Variants in PDE5A observed in about 807,000 individuals in gnomAD.
The protein encoded by PDE5A is phosphodiesterase 5A, also known as cGMP-specific 3',5'-cyclic phosphodiesterase.
PDE5A carries 67 observed loss-of-function variants against 110.2 expected under a neutral mutation model. The ratio of observed to expected loss-of-function variants is 0.61; its 90% CI spans 0.50 to 0.75. The LOEUF is 0.75. PDE5A is among the 30% of genes least tolerant of loss of function. The pLI is 0.00. For missense variants in PDE5A, 862 were observed against 1,045.1 expected (o/e 0.82, Z 2.42); for synonymous variants, 328 against 351.2 (o/e 0.93, Z 0.74).
chr4:119,562,070 C>G (rs1309858412), intron 6 of PDE5A, among the ~76,000 whole-genome samples: 3 of 152,256 alleles, frequency 2.0e-5, no homozygotes, highest in Admixed American at 2.0e-4. Flanking sequence ...AAAAAGAAAA[C>G]AAACAACTAC....
rs1725065208 is a variant in PDE5A at position 119,496,203 on chromosome 4, C to CA, written c.*2397dup. On this transcript the variant is annotated 3_prime_UTR_variant, in exon 21 of 21. Transcript: ENST00000354960. Reference sequence around the variant, plus strand: ...TGTTACTCTGTTATAACTAAACAAACAAAAAATCTAGAACAAGAACTTCTT... The same window carrying CA: ...TGTTACTCTGTTATAACTAAACAAACAAAAAAATCTAGAACAAGAACTTCTT... The CA allele has an allele frequency of 6.6e-6, 1 of 151,842 alleles. No homozygotes were observed. The highest frequency in any genetic ancestry group is 1.5e-5 in the Non-Finnish European group (1 of 67,940). 9.4% of individuals were successfully genotyped at this position (151,842 alleles called of 1,614,324 possible).
chr4:119,522,700 C>G (rs1385133641), intron 12 of PDE5A, among the ~76,000 whole-genome samples: 1 of 151,820 alleles, frequency 6.6e-6, no homozygotes, highest in Non-Finnish European at 1.5e-5. Flanking sequence ...TAGTTAGTAC[C>G]TATATTTAAG....
At chr4:119,532,763 G>T (rs965657392) in intron 11 of PDE5A, among the ~76,000 whole-genome samples, 1 of 151,902 alleles carries the variant, frequency 6.6e-6, no homozygotes, top group African/African-American at 2.4e-5. Context: ...CTATATTTAG[G>T]CTACAGCAAA....
chr4:119,568,213 C>A (rs1007107774), intron 3 of PDE5A, among the ~76,000 whole-genome samples: 2 of 151,702 alleles, frequency 1.3e-5, no homozygotes, highest in African/African-American at 2.4e-5. Flanking sequence ...TTATCCTATA[C>A]CTTTTCATTT....
intron 3 of PDE5A, 120 bp from the exon 4 acceptor site, chr4:119,567,264 A>C (rs1259844336): frequency 3.0e-6 from 2 of 671,414 alleles, no homozygotes; most frequent in Non-Finnish European, 5.3e-6. Flanking sequence ...TAGTCTACAA[A>C]ACAAAAGCAA....
chr4:119,514,747 C>T (rs1237850221), intron 14 of PDE5A, among the ~76,000 whole-genome samples: 1 of 152,164 alleles, frequency 6.6e-6, no homozygotes, highest in African/African-American at 2.4e-5. Flanking sequence ...AGAACATTCC[C>T]CTGTGAAAAT....
At chr4:119,595,122 AT>A (rs1287678634) in intron 3 of PDE5A, among the ~76,000 whole-genome samples, 3 of 152,224 alleles carry the variant, frequency 2.0e-5, no homozygotes, top group Non-Finnish European at 4.4e-5. Context: ...GGTAGCACGA[AT>A]AAAAAGAAAA....
rs181018302 is a variant in PDE5A, at chr4:119,513,675, C to T, written c.2001-2541G>A. ...AGCTGGCATTCAAGTATATCCTCTT[C>T]AACCCATCACACTGTCTTAGGATAC... On this transcript the variant is annotated intron_variant, in intron 14 of 20. Transcript: ENST00000354960. Among the ~76,000 whole-genome samples the T allele has an allele frequency of 2.0e-4, 31 of 152,272 alleles. No homozygotes were observed. In the East Asian group the frequency reaches 4.1e-3, roughly 20 times the overall value.
chr4:119,609,825 A>G (rs1050104775), intron 1 of PDE5A, among the ~76,000 whole-genome samples: 5 of 152,220 alleles, frequency 3.3e-5, no homozygotes, highest in African/African-American at 1.2e-4. Context: ...TATGTAAACT[A>G]CCTTGACTTA....
At chr4:119,572,655 TGTTA>T (rs1271531578) in intron 3 of PDE5A, among the ~76,000 whole-genome samples, 3 of 152,098 alleles carry the variant, frequency 2.0e-5, no homozygotes, top group Non-Finnish European at 4.4e-5. Context: ...TCTAAAACAG[TGTTA>T]GTGTGAGACT....
intron 11 of PDE5A, among the ~76,000 whole-genome samples, chr4:119,534,293 A>T (rs1276111310): frequency 6.7e-6 from 1 of 149,294 alleles, no homozygotes; most frequent in African/African-American, 2.5e-5. Flanking sequence ...CAGGCCACAT[A>T]GCAGGAGGTG....
intron 18 of PDE5A, among the ~76,000 whole-genome samples, chr4:119,503,858 A>T (rs1445912440): frequency 6.6e-6 from 1 of 152,062 alleles, no homozygotes; most frequent in Non-Finnish European, 1.5e-5. Context: ...TTGTATGTCC[A>T]ATTATCTGTT....
chr4:119,557,472 T>A (rs1028312092), intron 7 of PDE5A, among the ~76,000 whole-genome samples: 2 of 152,156 alleles, frequency 1.3e-5, no homozygotes, highest in Non-Finnish European at 2.9e-5. Context: ...GAACTGTATA[T>A]GAGTGCATTG....
chr4:119,533,266 T>C (rs558018001), intron 11 of PDE5A, among the ~76,000 whole-genome samples: 1 of 152,316 alleles, frequency 6.6e-6, no homozygotes, highest in South Asian at 2.1e-4. Context: ...TAAGCCCTTC[T>C]TATTGGCTCT....
chr4:119,498,733 C>A lies in PDE5A; in HGVS notation c.2496G>T (p.Leu832=). The A allele has an allele frequency of 6.2e-7, 1 of 1,613,798 alleles. No individual in the cohort carries two copies. ...DAICLQLYEA[L]THVSEDCFPL... ...GGAAACAGTCCTCTGACACGTGGGTCAGGGCCTAAAGAGAAAAAAGAAAGC... is the reference window on the plus strand; with the variant it reads ...GGAAACAGTCCTCTGACACGTGGGTAAGGGCCTAAAGAGAAAAAAGAAAGC... The change falls in exon 21 of 21, where the codon CTG becomes CTT. Residue 832 remains leucine (L), a synonymous_variant. Transcript: ENST00000354960.
chr4:119,555,659 T>A (rs1298773883), intron 7 of PDE5A, among the ~76,000 whole-genome samples: 1 of 152,106 alleles, frequency 6.6e-6, no homozygotes, highest in Non-Finnish European at 1.5e-5. Context: ...TTATTTTAAT[T>A]ATCATCATCA....
chr4:119,624,433 C>T (rs1020765960), intron 1 of PDE5A, among the ~76,000 whole-genome samples: 4 of 152,028 alleles, frequency 2.6e-5, no homozygotes, highest in Admixed American at 6.6e-5. Flanking sequence ...GACGGAATTC[C>T]AAACACAGGA....
At chr4:119,522,809 AAAT>A (rs3836705) in intron 12 of PDE5A, among the ~76,000 whole-genome samples, 39,690 of 151,708 alleles carry the variant, frequency 0.26, 5,273 homozygotes, top group East Asian at 0.38. Flanking sequence ...GACACCATTA[AAAT>A]TTGTAAGACA....
intron 2 of PDE5A, among the ~76,000 whole-genome samples, chr4:119,598,873 C>T (rs1169200126): frequency 6.6e-6 from 1 of 152,004 alleles, no homozygotes. Context: ...GAAGCAGTGA[C>T]CAAAAGATAC....
Sources: allele counts gnomAD v4.1 joint callset (sites outside exome capture counted in the v4.1 genomes callset), GRCh38; gene constraint gnomAD v4.1.1; transcripts MANE v1.5; gene names NCBI Gene and HGNC (gene_info 2026-07-23, HGNC 2026-07-21).